The following ATG5 variants were observed in gnomAD, a reference collection of about 807,000 sequenced individuals.
ATG5 encodes autophagy related 5, also known as autophagy protein 5.
ATG5 carries 14 observed loss-of-function variants against 36.5 expected under a neutral mutation model. The ratio of observed to expected loss-of-function variants is 0.38; its 90% CI spans 0.25 to 0.60. The LOEUF is 0.60. ATG5 is among the 20% of genes least tolerant of loss of function. The probability of loss-of-function intolerance (pLI) is 0.60; values close to 1 mark genes in which losing one functional copy is unlikely to be tolerated. For synonymous variants in ATG5, 95 were observed against 101.5 expected (o/e 0.94, Z 0.38); for missense variants, 195 against 326.7 (o/e 0.60, Z 3.11).
rs577930222 is a variant in ATG5 at position 106,186,521 on chromosome 6, C to G, written c.*19G>C. Reference sequence around the variant, plus strand: ...AATCCCATTTAAGGATGATTCTGTTCAGGCAAATAGTTGATCCTTCAATCT... The same window carrying G: ...AATCCCATTTAAGGATGATTCTGTTGAGGCAAATAGTTGATCCTTCAATCT... On this transcript the variant is annotated 3_prime_UTR_variant, in exon 8 of 8. Transcript: ENST00000369076. The G allele has an allele frequency of 3.1e-6, 5 of 1,611,906 alleles. No homozygotes were observed. In the South Asian group the frequency reaches 4.4e-5, roughly 14 times the overall value.
At chr6:106,249,314 T>C (rs1778471373) in intron 5 of ATG5, among the ~76,000 whole-genome samples, 1 of 152,198 alleles carries the variant, frequency 6.6e-6, no homozygotes, top group Non-Finnish European at 1.5e-5. Flanking sequence ...ATAGTTTGCC[T>C]ATTCCAGACA....
chr6:106,231,049 C>T (rs1227220386), intron 6 of ATG5, among the ~76,000 whole-genome samples: 1 of 151,958 alleles, frequency 6.6e-6, no homozygotes, highest in Non-Finnish European at 1.5e-5. Context: ...CCCAAACGGT[C>T]CAAAAGGAGA....
chr6:106,307,017 T>C (rs1770472576), intron 3 of ATG5, among the ~76,000 whole-genome samples: 1 of 152,174 alleles, frequency 6.6e-6, no homozygotes, highest in Non-Finnish European at 1.5e-5. Context: ...CCCAGAACCA[T>C]CTCAAAGGAT....
chr6:106,258,370 T>C (rs1271621562), intron 5 of ATG5, among the ~76,000 whole-genome samples: 1 of 150,856 alleles, frequency 6.6e-6, no homozygotes, highest in East Asian at 1.9e-4. Context: ...AAGGAGGCCC[T>C]GAATAAAAAA....
intron 7 of ATG5, 150 bp from the exon 8 acceptor site, chr6:106,186,826 A>G (rs1208978202): frequency 1.1e-6 from 1 of 898,916 alleles, no homozygotes; most frequent in Non-Finnish European, 1.7e-6. Flanking sequence ...AGAAAGTTCA[A>G]ATGTTGCAGT....
intron 6 of ATG5, among the ~76,000 whole-genome samples, chr6:106,208,289 T>C (rs1424851434): frequency 6.6e-6 from 1 of 152,222 alleles, no homozygotes; most frequent in East Asian, 1.9e-4. Flanking sequence ...TAAATGGAGA[T>C]AATACCTACA....
At chr6:106,304,187 G>C (rs879398272) in intron 3 of ATG5, 3 of 151,956 alleles carry the variant, frequency 2.0e-5, no homozygotes, top group Non-Finnish European at 2.9e-5. Flanking sequence ...CGCTCGTTTT[G>C]GCAGCACATG....
At chr6:106,244,092 T>A (rs997450176) in intron 6 of ATG5, among the ~76,000 whole-genome samples, 2 of 151,856 alleles carry the variant, frequency 1.3e-5, no homozygotes, top group African/African-American at 4.8e-5. Context: ...TTTAAAAAAA[T>A]TTTTTTGTAG....
chr6:106,265,299 C>T (rs1384120298), intron 5 of ATG5, among the ~76,000 whole-genome samples: 1 of 151,988 alleles, frequency 6.6e-6, no homozygotes, highest in African/African-American at 2.4e-5. Flanking sequence ...ACAACAAGAG[C>T]TAACTATCCT....
At chr6:106,193,954 T>C (rs536060109) in intron 7 of ATG5, among the ~76,000 whole-genome samples, 11 of 152,312 alleles carry the variant, frequency 7.2e-5, no homozygotes, top group African/African-American at 2.6e-4. Flanking sequence ...TGTGTGTTTC[T>C]CATTTTGGGA....
chr6:106,303,688 T>C (rs1770303239), intron 3 of ATG5, among the ~76,000 whole-genome samples: 1 of 152,186 alleles, frequency 6.6e-6, no homozygotes, highest in Non-Finnish European at 1.5e-5. Context: ...TCCAACAATG[T>C]ATAAAACTTA....
At chr6:106,256,091 T>A (rs1340099808) in intron 5 of ATG5, among the ~76,000 whole-genome samples, 2 of 152,180 alleles carry the variant, frequency 1.3e-5, no homozygotes, top group Non-Finnish European at 2.9e-5. Flanking sequence ...AACAAAAATA[T>A]TTTAATTTTT....
At chr6:106,210,126 T>A (rs1776800395) in intron 6 of ATG5, among the ~76,000 whole-genome samples, 1 of 152,158 alleles carries the variant, frequency 6.6e-6, no homozygotes, top group South Asian at 2.1e-4. Context: ...TCAATAACAG[T>A]TGCTCGGTTG....
chr6:106,236,091 A>T (rs1777893806), intron 6 of ATG5, among the ~76,000 whole-genome samples: 1 of 152,210 alleles, frequency 6.6e-6, no homozygotes, highest in Non-Finnish European at 1.5e-5. Context: ...TTAAAAACAG[A>T]ATCATAGAGT....
intron 6 of ATG5, chr6:106,217,717 C>G (rs915285418): frequency 5.3e-5 from 8 of 152,184 alleles, no homozygotes; most frequent in African/African-American, 1.7e-4. Flanking sequence ...GTTTATAGTT[C>G]TATTTCACTA....
intron 1 of ATG5, among the ~76,000 whole-genome samples, chr6:106,323,063 C>T (rs965516090): frequency 1.2e-4 from 19 of 152,032 alleles, no homozygotes; most frequent in African/African-American, 4.6e-4. Context: ...GGACTACAAG[C>T]GCTTGCCACC....
chr6:106,295,061 C>CAT lies in ATG5; in HGVS notation c.237-1957_237-1956dup, dbSNP rs1022675262. The stretch of plus-strand genomic sequence containing the variant: ...AAACCTAAAATTAAAAAAAAATATA[C>CAT]ATACACACACACACACATATACACA... On this transcript the variant is annotated intron_variant, in intron 3 of 7. Coordinates refer to ENST00000369076, the MANE Select transcript of ATG5 (RefSeq NM_004849.4). Among the ~76,000 whole-genome samples the CAT allele has an allele frequency of 6.0e-5, 9 of 151,058 alleles. 1 individual carries two copies. Among genetic ancestry groups the CAT allele is most frequent in the Admixed American group, 5.3e-4 (8 of 15,054 alleles).
chr6:106,276,717 AATT>A (rs1779671886), intron 5 of ATG5, among the ~76,000 whole-genome samples: 1 of 152,194 alleles, frequency 6.6e-6, no homozygotes, highest in Admixed American at 6.5e-5. Context: ...TGTCTAATTA[AATT>A]ATTAACTTCA....
At chr6:106,307,274 C>T (rs1000557920) in intron 3 of ATG5, among the ~76,000 whole-genome samples, 7 of 152,178 alleles carry the variant, frequency 4.6e-5, no homozygotes, top group African/African-American at 1.7e-4. Flanking sequence ...CCATTTTTAA[C>T]CAATTTGTAT....
Sources: allele counts gnomAD v4.1 joint callset (sites outside exome capture counted in the v4.1 genomes callset), GRCh38; gene constraint gnomAD v4.1.1; transcripts MANE v1.5; gene names NCBI Gene and HGNC (gene_info 2026-07-23, HGNC 2026-07-21).